Variants in ZDHHC14 observed in about 807,000 individuals in gnomAD.
ZDHHC14 encodes palmitoyltransferase ZDHHC14.
Under a neutral mutation model 47.7 loss-of-function variants are expected in ZDHHC14, and 16 were observed. The observed-to-expected ratio is 0.34, with a 90% CI of 0.23 to 0.51. The LOEUF (loss-of-function observed/expected upper bound fraction) is 0.51, where lower values mean the gene tolerates loss of function less well. Among genes scored for constraint, ZDHHC14 ranks in the 20% least tolerant of loss-of-function variants. The pLI is 0.97. For missense variants in ZDHHC14, 515 were observed against 662.5 expected, an observed-to-expected ratio of 0.78 and a Z score of 2.44; for synonymous variants, 293 against 278.9, an observed-to-expected ratio of 1.05 and a Z score of -0.50.
chr6:157,516,977 A>G (rs1165180746), intron 1 of ZDHHC14, among the ~76,000 whole-genome samples: 1 of 152,176 alleles, frequency 6.6e-6, no homozygotes, highest in African/African-American at 2.4e-5. Flanking sequence ...CTCTAGCAAC[A>G]TGGCAAGAGG....
At chr6:157,626,960 T>C (rs1785456429) in intron 3 of ZDHHC14, among the ~76,000 whole-genome samples, 1 of 151,890 alleles carries the variant, frequency 6.6e-6, no homozygotes, top group Non-Finnish European at 1.5e-5. Context: ...ATACAAATTA[T>C]TTTCCCTGAG....
intron 1 of ZDHHC14, among the ~76,000 whole-genome samples, chr6:157,416,987 T>TTG (rs1777992297): frequency 7.4e-6 from 1 of 134,768 alleles, no homozygotes; most frequent in Non-Finnish European, 1.6e-5. Flanking sequence ...TTTTTTTTTT[T>TTG]TTTTTTTTTT....
chr6:157,511,547 C>CTTTTTTTTTTTTTTTTTTTTTTTT (rs34988240), intron 1 of ZDHHC14, among the ~76,000 whole-genome samples: 45 of 114,874 alleles, frequency 3.9e-4, no homozygotes, highest in African/African-American at 4.9e-4. Flanking sequence ...AGCCCGGGTA[C>CTTTTTTTTTTTTTTTTTTTTTTTT]TTTTTTTTTT....
chr6:157,483,089 A>T (rs961071904), intron 1 of ZDHHC14, among the ~76,000 whole-genome samples: 2 of 152,206 alleles, frequency 1.3e-5, no homozygotes, highest in Non-Finnish European at 2.9e-5. Flanking sequence ...ATAGCATGCC[A>T]GTGAAAGACC....
intron 1 of ZDHHC14, among the ~76,000 whole-genome samples, chr6:157,394,515 G>C (rs1199419312): frequency 6.6e-6 from 1 of 152,178 alleles, no homozygotes; most frequent in Non-Finnish European, 1.5e-5. Flanking sequence ...ATAATACAGA[G>C]GCCATGTAGA....
intron 7 of ZDHHC14, 56 bp from the exon 8 acceptor site, chr6:157,653,469 T>A: frequency 6.9e-6 from 11 of 1,587,820 alleles, no homozygotes; most frequent in South Asian, 1.1e-5. Flanking sequence ...ATAGTGCTGC[T>A]GCATCTCTGG....
At chr6:157,591,201 G>A (rs1783895896) in intron 2 of ZDHHC14, among the ~76,000 whole-genome samples, 1 of 152,048 alleles carries the variant, frequency 6.6e-6, no homozygotes, top group Non-Finnish European at 1.5e-5. Flanking sequence ...TAAGACTTTG[G>A]GGGACTGTTG....
chr6:157,655,967 A>G (rs1385061358), intron 8 of ZDHHC14, among the ~76,000 whole-genome samples: 1 of 152,248 alleles, frequency 6.6e-6, no homozygotes, highest in African/African-American at 2.4e-5. Flanking sequence ...CTTCAGGTCA[A>G]GACCAGATGG....
At chr6:157,568,941 C>G (rs1783004311) in intron 2 of ZDHHC14, among the ~76,000 whole-genome samples, 1 of 152,002 alleles carries the variant, frequency 6.6e-6, no homozygotes. Flanking sequence ...TATCACTGGA[C>G]TATTTGACTT....
intron 1 of ZDHHC14, among the ~76,000 whole-genome samples, chr6:157,424,589 A>G (rs1332063199): frequency 6.6e-6 from 1 of 152,216 alleles, no homozygotes; most frequent in Non-Finnish European, 1.5e-5. Flanking sequence ...TCGCTTGGCT[A>G]TGAACAAACA....
In ZDHHC14 at chr6:157,402,852, A is replaced by G. The variant is rs542345467; in HGVS notation, c.245+20586A>G. On this transcript the variant is annotated intron_variant, in intron 1 of 8. Transcript: ENST00000359775. ...AGCAATTCTCCTGCCTCAGCCTCCC[A>G]AGTAGCTGAGATTACAGGTGTGCAC... Among the ~76,000 whole-genome samples, 6 of 152,064 alleles carry G rather than the reference A, an allele frequency of 3.9e-5. No individual in the cohort carries two copies. In the South Asian group the frequency reaches 1.2e-3, roughly 32 times the overall value.
chr6:157,560,464 C>T (rs1782663254), intron 2 of ZDHHC14, among the ~76,000 whole-genome samples: 1 of 152,260 alleles, frequency 6.6e-6, no homozygotes, highest in East Asian at 1.9e-4. Flanking sequence ...TAAAAGTTAT[C>T]CTTATACAAT....
intron 8 of ZDHHC14, among the ~76,000 whole-genome samples, chr6:157,660,259 C>T (rs1778294286): frequency 6.7e-6 from 1 of 150,236 alleles, no homozygotes; most frequent in Admixed American, 6.7e-5. Context: ...GTGGCACAGT[C>T]TCGGCTCACT....
intron 1 of ZDHHC14, among the ~76,000 whole-genome samples, chr6:157,406,882 G>C (rs1255480039): frequency 6.6e-6 from 1 of 152,194 alleles, no homozygotes; most frequent in Non-Finnish European, 1.5e-5. Flanking sequence ...ACATGCAGAA[G>C]AGCCTCTCTT....
chr6:157,467,563 ATTTT>A (rs1320012709), intron 1 of ZDHHC14, among the ~76,000 whole-genome samples: 2 of 119,926 alleles, frequency 1.7e-5, no homozygotes, highest in Non-Finnish European at 3.6e-5. Context: ...TTATTTATTT[ATTTT>A]GAGATGGAGC....
intron 2 of ZDHHC14, among the ~76,000 whole-genome samples, chr6:157,580,743 T>C (rs1251006388): frequency 6.6e-6 from 1 of 151,706 alleles, no homozygotes. Flanking sequence ...TGTTTTTTTC[T>C]TTGTATTTCT....
chr6:157,398,441 C>T (rs893011089), intron 1 of ZDHHC14, among the ~76,000 whole-genome samples: 6 of 152,262 alleles, frequency 3.9e-5, no homozygotes, highest in Non-Finnish European at 8.8e-5. Context: ...AAATTGAGGG[C>T]CTGCTGAGCC....
chr6:157,615,313 A>G (rs1784922353), intron 3 of ZDHHC14, among the ~76,000 whole-genome samples: 1 of 152,180 alleles, frequency 6.6e-6, no homozygotes, highest in Non-Finnish European at 1.5e-5. Flanking sequence ...TGCGGACCCA[A>G]GTCTGCTGGC....
intron 1 of ZDHHC14, among the ~76,000 whole-genome samples, chr6:157,528,199 C>T (rs1781225002): frequency 6.6e-6 from 1 of 152,098 alleles, no homozygotes; most frequent in African/African-American, 2.4e-5. Flanking sequence ...TTGCCCTTCT[C>T]TTTTTAGTAA....
Sources: allele counts gnomAD v4.1 joint callset (sites outside exome capture counted in the v4.1 genomes callset), GRCh38; gene constraint gnomAD v4.1.1; transcripts MANE v1.5; gene names NCBI Gene and HGNC (gene_info 2026-07-23, HGNC 2026-07-21).